The following PLXDC2 variants were observed in gnomAD, a reference collection of about 807,000 sequenced individuals.
PLXDC2 encodes plexin domain containing 2.
PLXDC2 carries 40 observed loss-of-function variants against 68.9 expected under a neutral mutation model. The ratio of observed to expected loss-of-function variants is 0.58; its 90% CI spans 0.45 to 0.76. The LOEUF is 0.76. PLXDC2 is among the 30% of genes least tolerant of loss of function. PLXDC2 has a pLI of 0.00. For missense variants in PLXDC2, 644 were observed against 661.9 expected, an observed-to-expected ratio of 0.97 and a Z score of 0.30; for synonymous variants, 243 against 234.2, an observed-to-expected ratio of 1.04 and a Z score of -0.34.
intron 1 of PLXDC2, among the ~76,000 whole-genome samples, chr10:19,955,799 G>T (rs1440620809): frequency 1.3e-5 from 2 of 152,124 alleles, no homozygotes; most frequent in Non-Finnish European, 2.9e-5. Context: ...AACATTCTTG[G>T]CTGGGCGTGG....
chr10:19,822,671 A>G (rs1412543011), intron 1 of PLXDC2, among the ~76,000 whole-genome samples: 3 of 152,116 alleles, frequency 2.0e-5, no homozygotes, highest in African/African-American at 7.2e-5. Context: ...CCATCTTAAT[A>G]TTAGTAGGTG....
At chr10:20,049,018 A>G (rs1316882509) in intron 3 of PLXDC2, among the ~76,000 whole-genome samples, 2 of 152,238 alleles carry the variant, frequency 1.3e-5, no homozygotes, top group Admixed American at 1.3e-4. Context: ...TGTTAAATAT[A>G]TACAATTGTT....
At chr10:20,201,022 C>G (rs1266344298) in intron 9 of PLXDC2, among the ~76,000 whole-genome samples, 9 of 152,032 alleles carry the variant, frequency 5.9e-5, no homozygotes, top group African/African-American at 1.9e-4. Flanking sequence ...AATCCCACTA[C>G]TAGACACTGA....
chr10:19,969,791 T>C (rs566763978), intron 1 of PLXDC2, among the ~76,000 whole-genome samples: 1 of 152,322 alleles, frequency 6.6e-6, no homozygotes, highest in South Asian at 2.1e-4. Flanking sequence ...TCTATAACAA[T>C]TGAGACAGGT....
At chr10:19,911,325 G>T (rs1833267639) in intron 1 of PLXDC2, among the ~76,000 whole-genome samples, 1 of 151,978 alleles carries the variant, frequency 6.6e-6, no homozygotes, top group Non-Finnish European at 1.5e-5. Context: ...ACCCTTCTAG[G>T]TATATTTTAC....
chr10:19,878,465 C>T (rs1837673805), intron 1 of PLXDC2, among the ~76,000 whole-genome samples: 3 of 152,120 alleles, frequency 2.0e-5, no homozygotes. Context: ...TTGCAAATTC[C>T]ATTAGTAAAT....
intron 1 of PLXDC2, among the ~76,000 whole-genome samples, chr10:19,908,928 G>A (rs969455118): frequency 2.0e-5 from 3 of 152,104 alleles, no homozygotes; most frequent in Non-Finnish European, 4.4e-5. Context: ...ATTATCCTTA[G>A]TTTTGAGTTT....
chr10:20,152,864 C>T (rs1162982834), intron 6 of PLXDC2, among the ~76,000 whole-genome samples: 1 of 152,012 alleles, frequency 6.6e-6, no homozygotes, highest in Non-Finnish European at 1.5e-5. Flanking sequence ...TACCAAAGTA[C>T]TTTGAGGATG....
rs118186859 is a variant in PLXDC2, at chr10:20,288,275, T to C, written c.*8456T>C. 6.6e-6 allele frequency: 1 copy of C among 152,178 alleles called. No individual in the cohort carries two copies. The highest frequency in any genetic ancestry group is 6.5e-5 in the Admixed American group (1 of 15,282). 9.4% of individuals were successfully genotyped at this position (152,178 alleles called of 1,614,324 possible). A position where few individuals can be genotyped will look rare whatever the true frequency, so the allele number is the denominator to read the frequency against. On this transcript the variant is annotated 3_prime_UTR_variant, in exon 14 of 14. Coordinates refer to ENST00000377252, the MANE Select transcript of PLXDC2 (RefSeq NM_032812.9). ...ACGTGTCTTTCAGGGAAAGGTTAAT[T>C]TTCCGAAGTTTATTAAAATAGAACT...
chr10:20,248,878 T>C (rs1466547715), intron 13 of PLXDC2, among the ~76,000 whole-genome samples: 1 of 152,226 alleles, frequency 6.6e-6, no homozygotes, highest in Non-Finnish European at 1.5e-5. Context: ...CTATCTACTT[T>C]TGAAGTGAAA....
At chr10:20,017,888 G>A (rs564366282) in intron 2 of PLXDC2, among the ~76,000 whole-genome samples, 13 of 152,336 alleles carry the variant, frequency 8.5e-5, no homozygotes, top group African/African-American at 2.6e-4. Flanking sequence ...GTTATCTTAA[G>A]AGGTTTTCTT....
At chr10:20,163,781 T>C (rs1401618723) in intron 6 of PLXDC2, among the ~76,000 whole-genome samples, 1 of 152,114 alleles carries the variant, frequency 6.6e-6, no homozygotes, top group South Asian at 2.1e-4. Context: ...ATATTCTCAA[T>C]GTATCATAAT....
intron 1 of PLXDC2, among the ~76,000 whole-genome samples, chr10:19,991,588 G>A (rs934287963): frequency 6.6e-6 from 1 of 152,092 alleles, no homozygotes; most frequent in African/African-American, 2.4e-5. Context: ...TCAGATAGAA[G>A]TACATCTATT....
intron 4 of PLXDC2, among the ~76,000 whole-genome samples, chr10:20,081,679 A>C (rs1836561264): frequency 6.6e-6 from 1 of 152,168 alleles, no homozygotes; most frequent in African/African-American, 2.4e-5. Context: ...AATAAACCAG[A>C]TAAAACTACA....
chr10:20,099,398 C>T (rs1202151652), intron 4 of PLXDC2, among the ~76,000 whole-genome samples: 2 of 152,154 alleles, frequency 1.3e-5, no homozygotes, highest in African/African-American at 4.8e-5. Flanking sequence ...CTAATATCTG[C>T]CTGATGGCCC....
chr10:20,175,335 G>T (rs1179757470), intron 7 of PLXDC2, among the ~76,000 whole-genome samples: 2 of 152,174 alleles, frequency 1.3e-5, no homozygotes, highest in Admixed American at 1.3e-4. Context: ...AGGCAACACA[G>T]ATTCCTCACA....
At chr10:20,100,485 T>C (rs1287244231) in intron 4 of PLXDC2, among the ~76,000 whole-genome samples, 1 of 152,126 alleles carries the variant, frequency 6.6e-6, no homozygotes, top group Non-Finnish European at 1.5e-5. Flanking sequence ...ACAATGAACA[T>C]TGTGTTGTCA....
chr10:20,177,246 G>A, intron 8 of PLXDC2, 82 bp from the exon 9 acceptor site: 2 of 1,373,096 alleles, frequency 1.5e-6, no homozygotes, highest in Non-Finnish European at 2.1e-6. Flanking sequence ...AGGGGGCAGT[G>A]ATTTTTATTC....
intron 1 of PLXDC2, among the ~76,000 whole-genome samples, chr10:19,959,630 A>G (rs977531772): frequency 2.0e-5 from 3 of 152,224 alleles, no homozygotes; most frequent in Admixed American, 1.3e-4. Flanking sequence ...GATATATCAC[A>G]GTGTAGAGTA....
Sources: allele counts gnomAD v4.1 joint callset (sites outside exome capture counted in the v4.1 genomes callset), GRCh38; gene constraint gnomAD v4.1.1; transcripts MANE v1.5; gene names NCBI Gene and HGNC (gene_info 2026-07-23, HGNC 2026-07-21).